Variants in GRAMD1B observed in about 807,000 individuals in gnomAD.
GRAMD1B encodes the protein GRAM domain containing 1B.
Under a neutral mutation model 99.7 loss-of-function variants are expected in GRAMD1B, and 37 were observed. That is an observed-to-expected ratio of 0.37 (90% CI 0.29 to 0.49). The LOEUF (loss-of-function observed/expected upper bound fraction) is 0.49. Ranked by LOEUF, GRAMD1B falls within the 20% of genes least tolerant of loss-of-function variation. The probability of loss-of-function intolerance (pLI) is 0.98; values close to 1 mark genes in which losing one functional copy is unlikely to be tolerated. For missense variants in GRAMD1B, 888 were observed against 1,009.2 expected (o/e 0.88, Z 1.63); for synonymous variants, 427 against 387.6 (o/e 1.10, Z -1.19).
chr11:123,515,112 T>C (rs1418676339), intron 2 of GRAMD1B, among the ~76,000 whole-genome samples: 1 of 152,216 alleles, frequency 6.6e-6, no homozygotes, highest in East Asian at 1.9e-4. Flanking sequence ...TAGTTCCTAA[T>C]TAAATGGGAG....
chr11:123,379,010 G>T (rs898325391), intron 1 of GRAMD1B, among the ~76,000 whole-genome samples: 5 of 152,116 alleles, frequency 3.3e-5, no homozygotes, highest in Non-Finnish European at 7.4e-5. Context: ...ATGTGGAGTT[G>T]TACAGTGTCA....
intron 2 of GRAMD1B, among the ~76,000 whole-genome samples, chr11:123,516,351 T>C (rs1198191764): frequency 6.6e-6 from 1 of 152,188 alleles, no homozygotes; most frequent in Non-Finnish European, 1.5e-5. Context: ...ACTTAAAGCT[T>C]CCCCTGCCCT....
intron 2 of GRAMD1B, among the ~76,000 whole-genome samples, chr11:123,563,762 T>C (rs891631232): frequency 6.6e-6 from 1 of 152,160 alleles, no homozygotes; most frequent in African/African-American, 2.4e-5. Flanking sequence ...TTTTTCTTTT[T>C]AAAATCATAA....
At chr11:123,442,706 G>A (rs1949463300) in intron 1 of GRAMD1B, among the ~76,000 whole-genome samples, 1 of 152,102 alleles carries the variant, frequency 6.6e-6, no homozygotes. Flanking sequence ...GGAGGTGGAG[G>A]TTGCAGTGAG....
At chr11:123,495,658 C>G (rs1360133683) in intron 2 of GRAMD1B, among the ~76,000 whole-genome samples, 1 of 149,846 alleles carries the variant, frequency 6.7e-6, no homozygotes, top group Non-Finnish European at 1.5e-5. Flanking sequence ...TGAAACCATG[C>G]GAAGTTTGTC....
At chr11:123,463,841 C>T (rs917589864) in intron 1 of GRAMD1B, among the ~76,000 whole-genome samples, 6 of 152,118 alleles carry the variant, frequency 3.9e-5, no homozygotes, top group African/African-American at 9.7e-5. Context: ...TTGGGGAGCA[C>T]GAGCCCCAGA....
upstream of GRAMD1B, among the ~76,000 whole-genome samples, chr11:123,426,628 C>G (rs1948661517): frequency 6.6e-6 from 1 of 152,260 alleles, no homozygotes; most frequent in East Asian, 1.9e-4. Context: ...GGGAGAGACT[C>G]TGTGTCCCAG....
At chr11:123,448,800 T>C (rs1949752973) in intron 1 of GRAMD1B, among the ~76,000 whole-genome samples, 1 of 152,338 alleles carries the variant, frequency 6.6e-6, no homozygotes, top group Non-Finnish European at 1.5e-5. Context: ...TCCAAGCAAA[T>C]GTTCCTCAAG....
chr11:123,579,377 G>T (rs9651699), intron 3 of GRAMD1B, among the ~76,000 whole-genome samples: 1 of 152,194 alleles, frequency 6.6e-6, no homozygotes, highest in Non-Finnish European at 1.5e-5. Context: ...CACAAGGGGC[G>T]ACACGGCTAA....
intron 2 of GRAMD1B, among the ~76,000 whole-genome samples, chr11:123,494,164 AT>A (rs2135066379): frequency 6.6e-6 from 1 of 152,312 alleles, no homozygotes; most frequent in East Asian, 1.9e-4. Context: ...TACTTACTAA[AT>A]GAGTAAATGA....
At chr11:123,538,826 G>T (rs1177599314) in intron 2 of GRAMD1B, among the ~76,000 whole-genome samples, 1 of 151,942 alleles carries the variant, frequency 6.6e-6, no homozygotes, top group Non-Finnish European at 1.5e-5. Flanking sequence ...GTTTCACCAT[G>T]TTGGTCAGGC....
intron 7 of GRAMD1B, 144 bp from the exon 8 acceptor site, chr11:123,600,324 G>A (rs546227086): frequency 1.1e-4 from 65 of 572,816 alleles, no homozygotes; most frequent in African/African-American, 3.6e-4. Context: ...TCACTAAAGC[G>A]GATGTACGTG....
intron 2 of GRAMD1B, among the ~76,000 whole-genome samples, chr11:123,483,287 C>T (rs1159321278): frequency 1.3e-5 from 2 of 152,050 alleles, no homozygotes; most frequent in African/African-American, 2.4e-5. Context: ...GGATGATTCA[C>T]GTTCCAGGTG....
At chr11:123,373,146 T>A (rs954671499) in intron 1 of GRAMD1B, among the ~76,000 whole-genome samples, 3 of 152,000 alleles carry the variant, frequency 2.0e-5, no homozygotes, top group African/African-American at 7.2e-5. Context: ...CTCAAAAAAA[T>A]ATATAAATAA....
chr11:123,590,624 ACT>A (rs1565425948), intron 4 of GRAMD1B, among the ~76,000 whole-genome samples: 1 of 151,898 alleles, frequency 6.6e-6, no homozygotes, highest in Non-Finnish European at 1.5e-5. Context: ...GCCACGGGTG[ACT>A]CTAACAAAGA....
chr11:123,611,470 G>A (rs1390129195), intron 14 of GRAMD1B, among the ~76,000 whole-genome samples: 1 of 152,046 alleles, frequency 6.6e-6, no homozygotes, highest in Non-Finnish European at 1.5e-5. Flanking sequence ...CATTCTCTTG[G>A]TAATTTTTGG....
chr11:123,417,718 C>T (rs1948278569), intron 1 of GRAMD1B, among the ~76,000 whole-genome samples: 4 of 152,192 alleles, frequency 2.6e-5, no homozygotes, highest in Admixed American at 2.0e-4. Context: ...GGGCGGGTCA[C>T]TTGAGGTCAG....
At chr11:123,502,442 T>A (rs1289440315) in intron 2 of GRAMD1B, among the ~76,000 whole-genome samples, 1 of 152,118 alleles carries the variant, frequency 6.6e-6, no homozygotes, top group Non-Finnish European at 1.5e-5. Context: ...GTGGCTTCTC[T>A]TATACAGATG....
chr11:123,396,390 C>T (rs1359092546), intron 1 of GRAMD1B, among the ~76,000 whole-genome samples: 1 of 152,056 alleles, frequency 6.6e-6, no homozygotes, highest in Non-Finnish European at 1.5e-5. Flanking sequence ...ATTCTCCTGC[C>T]TCAGCCTCCC....
Sources: gnomAD v4.1 joint callset for allele counts (sites outside exome capture counted in the v4.1 genomes callset) on GRCh38, gnomAD v4.1.1 for gene constraint, MANE v1.5 for transcripts, NCBI Gene and HGNC (gene_info 2026-07-23, HGNC 2026-07-21) for gene names.